The following GABRG1 variants were observed in gnomAD, a reference collection of about 807,000 sequenced individuals.
GABRG1 encodes gamma-aminobutyric acid receptor subunit gamma-1.
A neutral mutation model predicts 49.8 loss-of-function variants in GABRG1; 49 were observed. That is an observed-to-expected ratio of 0.98 (90% CI 0.78 to 1.25). The LOEUF is 1.25. GABRG1 is among the 50% of genes most tolerant of loss of function. The pLI, the probability that GABRG1 is intolerant of heterozygous loss-of-function variation, is 0.00. For synonymous variants in GABRG1, 232 were observed against 185.1 expected (o/e 1.25, Z -2.06); for missense variants, 552 against 552.3 (o/e 1.00, Z 0.01).
chr4:46,038,643 TATTTG>T lies in GABRG1; in HGVS notation c.*2340_*2344del. On this transcript the variant is annotated 3_prime_UTR_variant, in exon 9 of 9. Transcript: ENST00000295452. ...CTGAATCAGCTTTGAAAAAAAGCTGTATTTGATTTCTTGAGAAAGAAGTCTAAATG... is the reference window on the plus strand; with the variant it reads ...CTGAATCAGCTTTGAAAAAAAGCTGTATTTCTTGAGAAAGAAGTCTAAATG... The T allele has an allele frequency of 6.6e-6, 1 of 151,696 alleles. No homozygotes were observed. Among genetic ancestry groups the T allele is most frequent in the Non-Finnish European group, 1.5e-5 (1 of 67,688 alleles). The allele number at this position is 151,696 out of a possible 1,614,324, so 9.4% of individuals were successfully genotyped here. A position where few individuals can be genotyped will look rare whatever the true frequency, so the allele number is the denominator to read the frequency against.
At chr4:46,073,059 T>C (rs544563253) in intron 3 of GABRG1, among the ~76,000 whole-genome samples, 1 of 152,114 alleles carries the variant, frequency 6.6e-6, no homozygotes, top group Non-Finnish European at 1.5e-5. Context: ...TAAAATAATT[T>C]AAAAAATAAT....
intron 8 of GABRG1, among the ~76,000 whole-genome samples, chr4:46,044,841 T>C (rs1717928001): frequency 6.6e-6 from 1 of 152,102 alleles, no homozygotes. Context: ...CTAAACTCTA[T>C]AACTTCTAAA....
chr4:46,122,677 A>G (rs1004569822), intron 1 of GABRG1, among the ~76,000 whole-genome samples: 17 of 152,224 alleles, frequency 1.1e-4, no homozygotes, highest in Middle Eastern at 6.8e-3. Flanking sequence ...TGGTGTGGCA[A>G]AAAAATTCAC....
chr4:46,062,718 A>C (rs1380795251), intron 5 of GABRG1, among the ~76,000 whole-genome samples: 1 of 152,164 alleles, frequency 6.6e-6, no homozygotes, highest in Non-Finnish European at 1.5e-5. Flanking sequence ...GGAAAAGAGG[A>C]AGTCAAATTG....
chr4:46,076,362 C>CTAT (rs1719327464), intron 3 of GABRG1, among the ~76,000 whole-genome samples: 2 of 78,728 alleles, frequency 2.5e-5, no homozygotes, highest in African/African-American at 1.0e-4. Context: ...AGGTCATGTT[C>CTAT]ATATATATAT....
intron 1 of GABRG1, among the ~76,000 whole-genome samples, chr4:46,117,578 C>CTGTCTCTCTCTT (rs773826499): frequency 9.1e-5 from 13 of 143,398 alleles, no homozygotes; most frequent in African/African-American, 3.4e-4. Flanking sequence ...CTCTCTCTCT[C>CTGTCTCTCTCTT]TCTGTCTCTC....
chr4:46,105,098 T>G (rs1163583197), intron 1 of GABRG1, among the ~76,000 whole-genome samples: 1 of 151,284 alleles, frequency 6.6e-6, no homozygotes, highest in African/African-American at 2.4e-5. Context: ...AAAACCAGAT[T>G]CCCAAACTCC....
At chr4:46,065,949 C>T (rs925737643) in intron 3 of GABRG1, among the ~76,000 whole-genome samples, 2 of 152,114 alleles carry the variant, frequency 1.3e-5, no homozygotes, top group Non-Finnish European at 2.9e-5. Context: ...GTCTCGATCT[C>T]CTGACCTCGT....
At chr4:46,086,026 A>G (rs1016196816) in intron 2 of GABRG1, among the ~76,000 whole-genome samples, 1 of 151,616 alleles carries the variant, frequency 6.6e-6, no homozygotes, top group African/African-American at 2.4e-5. Flanking sequence ...TTGCAATAGC[A>G]TAACAATGCA....
At chr4:46,102,473 T>C (rs1402434491) in intron 1 of GABRG1, among the ~76,000 whole-genome samples, 1 of 151,576 alleles carries the variant, frequency 6.6e-6, no homozygotes, top group African/African-American at 2.4e-5. Flanking sequence ...CCCCCTCTAC[T>C]TTCATACGTT....
At chr4:46,108,958 G>A (rs978398757) in intron 1 of GABRG1, among the ~76,000 whole-genome samples, 1 of 151,118 alleles carries the variant, frequency 6.6e-6, no homozygotes, top group Middle Eastern at 3.4e-3. Flanking sequence ...AACACCCATA[G>A]TGATGTTTTT....
chr4:46,070,004 A>G (rs994030448), intron 3 of GABRG1, among the ~76,000 whole-genome samples: 2 of 152,010 alleles, frequency 1.3e-5, no homozygotes, highest in Admixed American at 6.6e-5. Context: ...AAGAGGCAGT[A>G]AAGGGCAGGG....
At chr4:46,076,227 C>T (rs1449775899) in intron 3 of GABRG1, among the ~76,000 whole-genome samples, 1 of 150,946 alleles carries the variant, frequency 6.6e-6, no homozygotes, top group Non-Finnish European at 1.5e-5. Flanking sequence ...TGTGTTTGTG[C>T]GTGTATGCAT....
chr4:46,044,234 A>G (rs1256374102), intron 8 of GABRG1, among the ~76,000 whole-genome samples: 2 of 152,132 alleles, frequency 1.3e-5, no homozygotes. Flanking sequence ...GCACTTTGGG[A>G]GGCCAAGGTG....
At chr4:46,088,738 T>TACAC (rs3069480) in intron 2 of GABRG1, among the ~76,000 whole-genome samples, 49,744 of 142,362 alleles carry the variant, frequency 0.35, 8,581 homozygotes, top group Non-Finnish European at 0.37. Flanking sequence ...CACTATAAAA[T>TACAC]ACACACACAC....
intron 8 of GABRG1, among the ~76,000 whole-genome samples, chr4:46,050,487 T>G (rs1718172543): frequency 6.6e-6 from 1 of 151,936 alleles, no homozygotes; most frequent in African/African-American, 2.4e-5. Flanking sequence ...AAGGTAGGCT[T>G]ACAAGCTTGC....
chr4:46,095,195 G>A (rs1456816992), intron 2 of GABRG1, among the ~76,000 whole-genome samples: 5 of 151,646 alleles, frequency 3.3e-5, no homozygotes, highest in Non-Finnish European at 7.4e-5. Context: ...AAATAATGAA[G>A]AGAATACAAC....
rs1219354344 is a variant in GABRG1, at chr4:46,073,253, T to C, written c.322-7669A>G. Among the ~76,000 whole-genome samples, 8 of 152,120 alleles carry C rather than the reference T, an allele frequency of 5.3e-5. No individual in the cohort carries two copies. In the East Asian group the frequency reaches 1.4e-3, roughly 26 times the overall value. ...AATTGTTTTTGCCCAGTGACTATTC[T>C]ATATTGCCAAGCTCTATCTTCTCAT... On this transcript the variant is annotated intron_variant, in intron 3 of 8. Transcript: ENST00000295452.
intron 3 of GABRG1, among the ~76,000 whole-genome samples, chr4:46,083,007 T>C (rs1454603491): frequency 6.6e-6 from 1 of 151,680 alleles, no homozygotes; most frequent in Non-Finnish European, 1.5e-5. Context: ...ACTTCTTCCC[T>C]GATAGCAAAT....
Sources: allele counts gnomAD v4.1 joint callset (sites outside exome capture counted in the v4.1 genomes callset), GRCh38; gene constraint gnomAD v4.1.1; transcripts MANE v1.5; gene names NCBI Gene and HGNC (gene_info 2026-07-23, HGNC 2026-07-21).